CENPK: variants seen among roughly 807,000 people sequenced by gnomAD.
CENPK encodes the protein SoxLZ/Sox6-binding protein Solt.
A neutral mutation model predicts 40.9 loss-of-function variants in CENPK; 46 were observed. That is an observed-to-expected ratio of 1.13 (90% CI 0.89 to 1.44). CENPK has a LOEUF of 1.44. Ranked by LOEUF, CENPK falls within the 40% of genes most tolerant of loss-of-function variation. The pLI is 0.00. For synonymous variants in CENPK, 107 were observed against 104.4 expected (o/e 1.02, Z -0.15); for missense variants, 288 against 303.5 (o/e 0.95, Z 0.38).
chr5:65,543,491 A>T (rs1748339030), intron 5 of CENPK, among the ~76,000 whole-genome samples: 1 of 152,190 alleles, frequency 6.6e-6, no homozygotes, highest in South Asian at 2.1e-4. Context: ...TATTTTTATC[A>T]TCATTGGTTT....
At chr5:65,538,278 G>T (rs1393299059) in intron 6 of CENPK, among the ~76,000 whole-genome samples, 1 of 152,012 alleles carries the variant, frequency 6.6e-6, no homozygotes, top group Non-Finnish European at 1.5e-5. Context: ...CTTTCAACTT[G>T]GAGACATTTC....
At chr5:65,528,322 G>C in intron 9 of CENPK, 130 bp downstream of exon 9, 1 of 684,460 alleles carries the variant, frequency 1.5e-6, no homozygotes, top group Non-Finnish European at 2.0e-6. Context: ...CTTTCAATAA[G>C]TATAATGTGA....
chr5:65,553,234 T>C (rs1305833716), intron 3 of CENPK, among the ~76,000 whole-genome samples: 2 of 152,112 alleles, frequency 1.3e-5, no homozygotes, highest in Non-Finnish European at 2.9e-5. Flanking sequence ...TTCTGAAACT[T>C]TACTGGGAAG....
At chr5:65,499,782 A>G in the CENPK span, among the ~76,000 whole-genome samples, 1 of 114,056 alleles carries the variant, frequency 8.8e-6, no homozygotes, top group African/African-American at 3.4e-5. Flanking sequence ...CGTGTCATCT[A>G]GCATTAGGTA....
intron 10 of CENPK, among the ~76,000 whole-genome samples, chr5:65,521,248 A>G (rs538257446): frequency 6.6e-6 from 1 of 152,306 alleles, no homozygotes; most frequent in African/African-American, 2.4e-5. Flanking sequence ...ATTAAGAGAT[A>G]GACCTTAAAT....
At chr5:65,501,787 C>T in the CENPK span, among the ~76,000 whole-genome samples, 2 of 152,162 alleles carry the variant, frequency 1.3e-5, no homozygotes, top group African/African-American at 4.8e-5. Flanking sequence ...TCTTCAAAGG[C>T]CTCCATTGAC....
chr5:65,544,905 T>C (rs558442917), intron 5 of CENPK, among the ~76,000 whole-genome samples: 2 of 152,292 alleles, frequency 1.3e-5, no homozygotes, highest in African/African-American at 2.4e-5. Context: ...TTAATGTGTA[T>C]AGAGTTTCAG....
At chr5:65,559,819 ATGG>A (rs1751653956) in intron 2 of CENPK, among the ~76,000 whole-genome samples, 1 of 152,154 alleles carries the variant, frequency 6.6e-6, no homozygotes, top group African/African-American at 2.4e-5. Flanking sequence ...TCACATACAT[ATGG>A]ACACATGACA....
the CENPK span, among the ~76,000 whole-genome samples, chr5:65,502,426 C>A: frequency 1.3e-5 from 2 of 152,146 alleles, no homozygotes; most frequent in Non-Finnish European, 2.9e-5. Context: ...ATATAATGTG[C>A]AAAGTTTTAA....
At chr5:65,495,725 G>A in the CENPK span, among the ~76,000 whole-genome samples, 2 of 151,784 alleles carry the variant, frequency 1.3e-5, no homozygotes, top group African/African-American at 2.4e-5. Flanking sequence ...AACGATCAAG[G>A]AAACAAAAAA....
chr5:65,550,160 G>A (rs1405244797), intron 5 of CENPK, among the ~76,000 whole-genome samples: 3 of 114,470 alleles, frequency 2.6e-5, no homozygotes, highest in African/African-American at 1.0e-4. Flanking sequence ...GTGCAACAGA[G>A]CAAGACTCCA....
the CENPK span, among the ~76,000 whole-genome samples, chr5:65,500,302 C>G: frequency 8.3e-6 from 1 of 119,778 alleles, no homozygotes; most frequent in East Asian, 2.3e-4. Context: ...AAAAGTGTTC[C>G]TATTTCTCCA....
At chr5:65,503,261 C>T in the CENPK span, among the ~76,000 whole-genome samples, 1 of 152,046 alleles carries the variant, frequency 6.6e-6, no homozygotes, top group Non-Finnish European at 1.5e-5. Context: ...CACACACCAC[C>T]ATGCCCAGCT....
chr5:65,509,360 T>G, the CENPK span, among the ~76,000 whole-genome samples: 1 of 152,206 alleles, frequency 6.6e-6, no homozygotes, highest in South Asian at 2.1e-4. Flanking sequence ...AGTTTTGCCT[T>G]TTCCAGAATT....
At chr5:65,552,642 T>C in intron 3 of CENPK, 93 bp from the exon 4 acceptor site, 1 of 639,768 alleles carries the variant, frequency 1.6e-6, no homozygotes, top group Non-Finnish European at 2.6e-6. Context: ...AATATAACAC[T>C]CTTCTAAAGC....
intron 6 of CENPK, 80 bp from the exon 7 acceptor site, chr5:65,529,279 G>T: frequency 1.2e-6 from 1 of 865,404 alleles, no homozygotes; most frequent in Non-Finnish European, 1.8e-6. Flanking sequence ...TTTACACAGT[G>T]GTCCAGGATA....
intron 6 of CENPK, among the ~76,000 whole-genome samples, chr5:65,533,146 T>C (rs1308781567): frequency 1.3e-5 from 2 of 151,698 alleles, no homozygotes; most frequent in African/African-American, 4.8e-5. Flanking sequence ...GGTTAAGAGT[T>C]CAAGACCAGC....
At chr5:65,522,758 G>A in intron 9 of CENPK, among the ~76,000 whole-genome samples, 1 of 152,134 alleles carries the variant, frequency 6.6e-6, no homozygotes, top group Middle Eastern at 3.2e-3. Context: ...GCATAAATTT[G>A]AGGCTTCTCA....
At chr5:65,500,565 A>G in the CENPK span, among the ~76,000 whole-genome samples, 1 of 152,096 alleles carries the variant, frequency 6.6e-6, no homozygotes, top group Non-Finnish European at 1.5e-5. Context: ...GATTCTGGAT[A>G]TAGTGTCACA....
Sources: allele counts gnomAD v4.1 joint callset (sites outside exome capture counted in the v4.1 genomes callset), GRCh38; gene constraint gnomAD v4.1.1; transcripts MANE v1.5; gene names NCBI Gene and HGNC (gene_info 2026-07-23, HGNC 2026-07-21).